Variants in VAMP7 observed in about 807,000 individuals in gnomAD.
VAMP7 encodes vesicle associated membrane protein 7.
Under a neutral mutation model 29.6 loss-of-function variants are expected in VAMP7, and 14 were observed. That is an observed-to-expected ratio of 0.47 (90% CI 0.31 to 0.74). The LOEUF is 0.74. VAMP7 is among the 30% of genes least tolerant of loss of function. VAMP7 has a pLI of 0.05. For synonymous variants in VAMP7, 95 were observed against 88.1 expected (o/e 1.08, Z -0.44); for missense variants, 223 against 262.4 (o/e 0.85, Z 1.04).
At chrX:155,933,122 T>G (rs1449768783) in intron 6 of VAMP7, among the ~76,000 whole-genome samples, 1 of 152,288 alleles carries the variant, frequency 6.6e-6, no homozygotes, top group Admixed American at 6.5e-5. Context: ...TTATTGAAGA[T>G]TTTTGCGTCG....
At chrX:155,898,328 T>G in intron 4 of VAMP7, 79 bp downstream of exon 4, 60 of 1,492,400 alleles carry the variant, frequency 4.0e-5, no homozygotes, top group Non-Finnish European at 5.1e-5. Context: ...TAGGGGGCCC[T>G]GACCTGCAAT....
intron 6 of VAMP7, among the ~76,000 whole-genome samples, chrX:155,931,034 A>G (rs1273033688): frequency 2.6e-5 from 4 of 152,206 alleles, no homozygotes; most frequent in Non-Finnish European, 4.4e-5. Flanking sequence ...TGCAAAGGAC[A>G]TGAACTCATC....
At chrX:155,902,061 G>A (rs1314414394) in intron 5 of VAMP7, among the ~76,000 whole-genome samples, 2 of 152,084 alleles carry the variant, frequency 1.3e-5, no homozygotes, top group South Asian at 2.1e-4. Flanking sequence ...GCAGTGGTTT[G>A]TAGTTCTCCT....
intron 6 of VAMP7, among the ~76,000 whole-genome samples, chrX:155,921,186 T>C (rs901728358): frequency 5.9e-5 from 9 of 152,212 alleles, no homozygotes; most frequent in African/African-American, 2.2e-4. Flanking sequence ...GTCTTAATTT[T>C]GTTGACTTCA....
intron 5 of VAMP7, among the ~76,000 whole-genome samples, chrX:155,902,805 A>G (rs1465100154): frequency 6.7e-6 from 1 of 149,004 alleles, no homozygotes; most frequent in African/African-American, 2.5e-5. Context: ...ATCAATGTTC[A>G]TCAAGGATAT....
At chrX:155,902,573 C>G (rs925889140) in intron 5 of VAMP7, among the ~76,000 whole-genome samples, 13 of 151,356 alleles carry the variant, frequency 8.6e-5, no homozygotes, top group Non-Finnish European at 1.8e-4. Flanking sequence ...GAGTTTTTAG[C>G]ATGAAGGGTT....
chrX:155,895,505 A>G, intron 2 of VAMP7, 118 bp from the exon 3 acceptor site: 1 of 670,430 alleles, frequency 1.5e-6, no homozygotes, highest in Non-Finnish European at 2.7e-6. Context: ...AAGAGACTGT[A>G]TCCGTAAGTA....
At chrX:155,895,338 G>A (rs2065973281) in intron 2 of VAMP7, among the ~76,000 whole-genome samples, 1 of 152,152 alleles carries the variant, frequency 6.6e-6, no homozygotes, top group African/African-American at 2.4e-5. Context: ...TCTTGTTCAT[G>A]CTTTAAGAGT....
intron 6 of VAMP7, among the ~76,000 whole-genome samples, chrX:155,931,209 C>T (rs1475260795): frequency 6.6e-6 from 1 of 152,126 alleles, no homozygotes; most frequent in African/African-American, 2.4e-5. Flanking sequence ...GATTTATAAT[C>T]CTTTGGGTAT....
intron 3 of VAMP7, among the ~76,000 whole-genome samples, chrX:155,896,024 AGTCCTTGGAAAAATT>A (rs1419458710): frequency 6.6e-6 from 1 of 152,164 alleles, no homozygotes; most frequent in African/African-American, 2.4e-5. Flanking sequence ...ACCCTCCCCC[AGTCCTTGGAAAAATT>A]GTCTTCTACA....
At chrX:155,924,565 G>T (rs1444959474) in intron 6 of VAMP7, among the ~76,000 whole-genome samples, 1 of 151,900 alleles carries the variant, frequency 6.6e-6, no homozygotes, top group Non-Finnish European at 1.5e-5. Context: ...TTTGTGTCTG[G>T]CTTATTTCAC....
At chrX:155,892,123 G>T (rs746238776) in intron 2 of VAMP7, among the ~76,000 whole-genome samples, 23 of 152,238 alleles carry the variant, frequency 1.5e-4, no homozygotes, top group African/African-American at 5.3e-4. Flanking sequence ...TGCAGTTATA[G>T]TAGAAGGAGA....
At chrX:155,917,472 T>C (rs1455059514) in intron 5 of VAMP7, among the ~76,000 whole-genome samples, 2 of 152,208 alleles carry the variant, frequency 1.3e-5, no homozygotes, top group African/African-American at 2.4e-5. Flanking sequence ...TTGATGTTGG[T>C]GACCTTTGGA....
intron 5 of VAMP7, among the ~76,000 whole-genome samples, chrX:155,904,931 G>T (rs1448904311): frequency 1.4e-5 from 2 of 146,876 alleles, no homozygotes; most frequent in Non-Finnish European, 3.0e-5. Flanking sequence ...TATGTTTTTG[G>T]TTCTCTTGCT....
At chrX:155,907,650 TG>T (rs2066165842) in intron 5 of VAMP7, among the ~76,000 whole-genome samples, 1 of 151,986 alleles carries the variant, frequency 6.6e-6, no homozygotes, top group African/African-American at 2.4e-5. Context: ...CAGAACAAAA[TG>T]AAAAGTCTCC....
rs190806315 is a variant in VAMP7, at chrX:155,937,639, C to A, written c.502-2062C>A. ...AATGTTACTAAAAGTGTAACATTTT[C>A]CTTTTTTCAATATTCTTGCCACATG... On this transcript the variant is annotated intron_variant, in intron 6 of 7. Coordinates refer to ENST00000286448, the MANE Select transcript of VAMP7 (RefSeq NM_005638.6). 3.1e-3 allele frequency among the ~76,000 whole-genome samples: 467 copies of A among 152,158 alleles called. 5 individuals carry two copies. Among genetic ancestry groups the A allele is most frequent in the Middle Eastern group, 0.024 (7 of 294 alleles).
intron 5 of VAMP7, among the ~76,000 whole-genome samples, chrX:155,908,423 G>A (rs2066182831): frequency 6.6e-6 from 1 of 152,162 alleles, no homozygotes; most frequent in African/African-American, 2.4e-5. Flanking sequence ...GTCAGGCGTG[G>A]CAGCACTCGG....
rs183905519 is a variant in VAMP7, at chrX:155,893,375, T to C, written c.147-2248T>C. 1.1e-3 allele frequency among the ~76,000 whole-genome samples: 168 copies of C among 152,182 alleles called. 1 individual carries two copies. Among genetic ancestry groups the C allele is most frequent in the African/African-American group, 3.9e-3 (161 of 41,508 alleles). ...GCTGAAAACAAACTACAACAAAACA[T>C]GAGAGTGCATGCTGCCCTCCAGGGA... On this transcript the variant is annotated intron_variant, in intron 2 of 7. Transcript: ENST00000286448.
At chrX:155,940,631 G>A (rs1301483954) in intron 7 of VAMP7, among the ~76,000 whole-genome samples, 2 of 152,142 alleles carry the variant, frequency 1.3e-5, no homozygotes, top group African/African-American at 4.8e-5. Context: ...CTTATTACAT[G>A]CAGAGCACAG....
Sources: gnomAD v4.1 joint callset for allele counts (sites outside exome capture counted in the v4.1 genomes callset) on GRCh38, gnomAD v4.1.1 for gene constraint, MANE v1.5 for transcripts, NCBI Gene and HGNC (gene_info 2026-07-23, HGNC 2026-07-21) for gene names.